The following CEBPZ variants were observed in gnomAD, a reference collection of about 807,000 sequenced individuals.
CEBPZ encodes CCAAT/enhancer-binding protein zeta.
Under a neutral mutation model 104.5 loss-of-function variants are expected in CEBPZ, and 78 were observed. That is an observed-to-expected ratio of 0.75 (90% confidence interval 0.62 to 0.90). The LOEUF is 0.90. Among genes scored for constraint, CEBPZ ranks in the 40% least tolerant of loss-of-function variants. The probability of loss-of-function intolerance (pLI) is 0.00; values close to 1 mark genes in which losing one functional copy is unlikely to be tolerated. For synonymous variants in CEBPZ, 470 were observed against 427.0 expected (o/e 1.10, Z -1.24); for missense variants, 1,439 against 1,233.5 (o/e 1.17, Z -2.50).
chr2:37,226,375 A>C (rs1034710747), intron 2 of CEBPZ, among the ~76,000 whole-genome samples: 2 of 152,192 alleles, frequency 1.3e-5, no homozygotes, highest in Non-Finnish European at 2.9e-5. Flanking sequence ...TTCACATAGC[A>C]CTAAGTGTTA....
intron 2 of CEBPZ, among the ~76,000 whole-genome samples, chr2:37,226,688 T>G (rs979405625): frequency 2.0e-5 from 3 of 152,146 alleles, no homozygotes; most frequent in Non-Finnish European, 4.4e-5. Context: ...CGGCGTGGCT[T>G]AAGTCTAAGA....
At position 37,228,856 on chromosome 2, in the gene CEBPZ, A is replaced by G; in HGVS notation, c.337T>C (p.Ser113Pro). 1 of 1,597,906 alleles carries G rather than the reference A, an allele frequency of 6.3e-7. No individual in the cohort carries two copies. The highest frequency in any genetic ancestry group is 8.5e-7 in the Non-Finnish European group (1 of 1,175,832). ...EEDEPAEKEN[S>P]SKKEVKIPKI... is the part of the protein sequence containing the mutation. ...GGTATTTTTACTTCTTTTTTGCTGG[A>G]ATTTTCTTTTTCAGCTGGTTCATCT... The change falls in exon 2 of 16, where the codon TCC (serine) becomes CCC (proline). Residue 113 changes from serine to proline, a missense_variant. By Grantham distance (74) the Ser-to-Pro change is moderately conservative. Coordinates refer to ENST00000234170, the MANE Select transcript of CEBPZ (RefSeq NM_005760.3).
rs375852685 is a variant in CEBPZ at position 37,203,010 on chromosome 2, T to TA, written c.2885-3dup. The TA allele has an allele frequency of 1.5e-4, 230 of 1,526,618 alleles. No individual in the cohort carries two copies. The highest frequency in any genetic ancestry group is 2.6e-4 in the Admixed American group (12 of 45,812). The allele number at this position is 1,526,618 out of a possible 1,614,324, so 94.6% of individuals were successfully genotyped here. ...AGTTTCTTTTCTTTTTTCTTGGCCC[T>TA]AAAAAAAATTGTAAGTCTACATTAT... On this transcript the variant is annotated splice_region_variant and splice_polypyrimidine_tract_variant and intron_variant, in intron 13 of 15. Transcript: ENST00000234170.
intron 1 of CEBPZ, 95 bp from the exon 2 acceptor site, chr2:37,229,131 G>C: frequency 6.2e-6 from 7 of 1,137,874 alleles, no homozygotes; most frequent in Non-Finnish European, 8.1e-6. Flanking sequence ...AAATAATTTC[G>C]GAACTGGAAA....
chr2:37,230,281 C>T (rs569902384), intron 1 of CEBPZ, among the ~76,000 whole-genome samples: 1 of 152,010 alleles, frequency 6.6e-6, no homozygotes, highest in Non-Finnish European at 1.5e-5. Context: ...AAGATACACC[C>T]GTATTTCATA....
chr2:37,202,623 C>A (rs1267794691), intron 15 of CEBPZ, 161 bp downstream of exon 15: 6 of 382,034 alleles, frequency 1.6e-5, no homozygotes, highest in African/African-American at 3.2e-5. Context: ...CCAACCTGGG[C>A]AAGGGAGTGA....
intron 4 of CEBPZ, among the ~76,000 whole-genome samples, chr2:37,221,139 T>G (rs1038821144): frequency 6.6e-6 from 1 of 151,082 alleles, no homozygotes; most frequent in Admixed American, 6.6e-5. Context: ...GTGCACAGAG[T>G]GGGATTTCGT....
intron 8 of CEBPZ, 80 bp downstream of exon 8, chr2:37,216,060 T>C (rs1677858922): frequency 9.3e-7 from 1 of 1,075,556 alleles, no homozygotes; most frequent in African/African-American, 1.6e-5. Flanking sequence ...TCTGATAAAT[T>C]AGAACAAAGA....
At chr2:37,202,119 C>A in intron 15 of CEBPZ, 18 of 294,296 alleles carry the variant, frequency 6.1e-5, no homozygotes, top group Non-Finnish European at 8.7e-5. Flanking sequence ...GGAAAAGAAA[C>A]AAATGCTCTA....
At chr2:37,206,034 T>C (rs1203899605) in intron 13 of CEBPZ, among the ~76,000 whole-genome samples, 1 of 152,216 alleles carries the variant, frequency 6.6e-6, no homozygotes, top group Non-Finnish European at 1.5e-5. Flanking sequence ...GAGATTAGCA[T>C]GTGAATCTCT....
In CEBPZ at chr2:37,224,673, A is replaced by G. The variant is rs183184057; in HGVS notation, c.1650-1272T>C. ...AGAAACATCTGAGAAGAATTTAGAG[A>G]CATGTCTCTATCATTTCATGAAATA... On this transcript the variant is annotated intron_variant, in intron 2 of 15. Coordinates refer to ENST00000234170, the MANE Select transcript of CEBPZ (RefSeq NM_005760.3). 3.9e-4 allele frequency among the ~76,000 whole-genome samples: 59 copies of G among 152,338 alleles called. 2 individuals are homozygous for G. In the East Asian group the frequency reaches 0.011, roughly 29 times the overall value.
At chr2:37,207,845 T>C (rs532051939) in intron 13 of CEBPZ, among the ~76,000 whole-genome samples, 1 of 151,774 alleles carries the variant, frequency 6.6e-6, no homozygotes, top group African/African-American at 2.4e-5. Context: ...CTACAAAAGA[T>C]AAATGAAACA....
At chr2:37,202,693 GAATA>G (rs1250343910) in intron 15 of CEBPZ, 87 bp downstream of exon 15, 3 of 80,670 alleles carry the variant, frequency 3.7e-5, no homozygotes, top group Non-Finnish European at 2.2e-5. Flanking sequence ...AAAAAAAAAA[GAATA>G]AATAAAATAA....
In CEBPZ at chr2:37,228,149, C is replaced by T; in HGVS notation, c.1044G>A (p.Gln348=). ...QLKHLVAEFV[Q]VLETLSHDTL... is the part of the protein sequence containing the mutation. Reference sequence around the variant, plus strand: ...TATCATGACTTAAAGTTTCTAAGACCTGCACAAATTCAGCCACTAAGTGTT... The same window carrying T: ...TATCATGACTTAAAGTTTCTAAGACTTGCACAAATTCAGCCACTAAGTGTT... Residue 348 remains glutamine, a synonymous_variant, in exon 2 of 16, where the codon CAG becomes CAA. Transcript: ENST00000234170. 6.2e-7 allele frequency: 1 copy of T among 1,614,164 alleles called. No individual in the cohort carries two copies. Among genetic ancestry groups the T allele is most frequent in the Non-Finnish European group, 8.5e-7 (1 of 1,180,030 alleles).
intron 13 of CEBPZ, among the ~76,000 whole-genome samples, chr2:37,205,825 T>C (rs2148338654): frequency 6.6e-6 from 1 of 152,356 alleles, no homozygotes; most frequent in South Asian, 2.1e-4. Context: ...TGTGTTACAC[T>C]GTGAAGCAGA....
chr2:37,228,751 G>A lies in CEBPZ; in HGVS notation c.442C>T (p.His148Tyr), dbSNP rs753420116. 6.2e-7 allele frequency: 1 copy of A among 1,614,148 alleles called. No individual in the cohort carries two copies. The highest frequency in any genetic ancestry group is 1.1e-5 in the South Asian group (1 of 91,084). Reference protein sequence around the residue: ...KVKNKNRPEPHSDENGSTTPK... With the variant: ...KVKNKNRPEPYSDENGSTTPK... Reference sequence around the variant, plus strand: ...GTGGTACTGCCATTCTCATCAGAATGTGGTTCTGGCCTATTCTTATTTTTC... The same window carrying A: ...GTGGTACTGCCATTCTCATCAGAATATGGTTCTGGCCTATTCTTATTTTTC... Residue 148 changes from histidine to tyrosine, a missense_variant, in exon 2 of 16, where the codon CAT (histidine) becomes TAT (tyrosine). Coordinates refer to ENST00000234170, the MANE Select transcript of CEBPZ (RefSeq NM_005760.3).
intron 5 of CEBPZ, among the ~76,000 whole-genome samples, chr2:37,218,339 C>T (rs2148356389): frequency 6.6e-6 from 1 of 152,202 alleles, no homozygotes; most frequent in South Asian, 2.1e-4. Flanking sequence ...AGTAGTATTA[C>T]TTTACAGTTT....
At chr2:37,223,105 A>G (rs1558476443) in intron 3 of CEBPZ, 65 bp downstream of exon 3, 5 of 1,362,122 alleles carry the variant, frequency 3.7e-6, no homozygotes, top group South Asian at 1.3e-5. Context: ...GAAGCAAAGA[A>G]AAACAAAACA....
intron 13 of CEBPZ, chr2:37,204,748 C>T (rs954966640): frequency 6.6e-6 from 1 of 152,168 alleles, no homozygotes; most frequent in African/African-American, 2.4e-5. Flanking sequence ...AAATTCCTTG[C>T]CTCTTTTTGT....
Sources: allele counts gnomAD v4.1 joint callset (sites outside exome capture counted in the v4.1 genomes callset), GRCh38; gene constraint gnomAD v4.1.1; transcripts MANE v1.5; gene names NCBI Gene and HGNC (gene_info 2026-07-23, HGNC 2026-07-21).